ADAM10: variants seen among roughly 807,000 people sequenced by gnomAD.
ADAM10 encodes ADAM metallopeptidase domain 10.
ADAM10 carries 17 observed loss-of-function variants against 90.1 expected under a neutral mutation model. That is an observed-to-expected ratio of 0.19 (90% CI 0.13 to 0.28). ADAM10 has a LOEUF of 0.28. Ranked by LOEUF, ADAM10 falls within the 10% of genes least tolerant of loss-of-function variation. ADAM10 has a pLI of 1.00. For synonymous variants in ADAM10, 310 were observed against 298.6 expected (o/e 1.04, Z -0.40); for missense variants, 610 against 914.3 (o/e 0.67, Z 4.29).
At chr15:58,653,519 C>A (rs1340295815) in intron 5 of ADAM10, among the ~76,000 whole-genome samples, 1 of 152,140 alleles carries the variant, frequency 6.6e-6, no homozygotes, top group African/African-American at 2.4e-5. Flanking sequence ...ATCACACTGA[C>A]TGATTTGCAT....
chr15:58,695,060 T>C (rs1313802119), intron 2 of ADAM10, among the ~76,000 whole-genome samples: 1 of 152,260 alleles, frequency 6.6e-6, no homozygotes, highest in Non-Finnish European at 1.5e-5. Flanking sequence ...AGCATACATT[T>C]ACTAGCTTGA....
At chr15:58,605,649 C>T (rs960252551) in intron 14 of ADAM10, among the ~76,000 whole-genome samples, 5 of 152,076 alleles carry the variant, frequency 3.3e-5, no homozygotes, top group African/African-American at 9.7e-5. Context: ...ATTTACTGAG[C>T]GTAAACTGAG....
intron 10 of ADAM10, among the ~76,000 whole-genome samples, chr15:58,625,705 G>A (rs1895917823): frequency 6.6e-6 from 1 of 152,156 alleles, no homozygotes; most frequent in Non-Finnish European, 1.5e-5. Flanking sequence ...ACCTGTACAT[G>A]AATGTTTACA....
At chr15:58,736,778 T>C (rs1344643605) in intron 1 of ADAM10, among the ~76,000 whole-genome samples, 1 of 152,098 alleles carries the variant, frequency 6.6e-6, no homozygotes, top group Non-Finnish European at 1.5e-5. Flanking sequence ...AGCCTCTATG[T>C]AAAACTGCCA....
At chr15:58,706,403 T>C (rs1371069713) in intron 2 of ADAM10, among the ~76,000 whole-genome samples, 1 of 152,196 alleles carries the variant, frequency 6.6e-6, no homozygotes. Flanking sequence ...TTCTGATGTT[T>C]CCAGATACTC....
chr15:58,611,416 A>T, intron 12 of ADAM10: 1 of 340,042 alleles, frequency 2.9e-6, no homozygotes, highest in East Asian at 6.5e-5. Flanking sequence ...TTCTATAAAG[A>T]AAGAAAAATT....
At chr15:58,616,480 C>T (rs1895619733) in intron 11 of ADAM10, among the ~76,000 whole-genome samples, 6 of 152,130 alleles carry the variant, frequency 3.9e-5, no homozygotes, top group Admixed American at 3.9e-4. Flanking sequence ...ACAAGGGGAA[C>T]TTTAGAAACT....
chr15:58,631,358 CAA>C (rs1251101498), intron 9 of ADAM10, among the ~76,000 whole-genome samples: 3 of 152,190 alleles, frequency 2.0e-5, no homozygotes, highest in East Asian at 1.9e-4. Context: ...GCGTGGTAGG[CAA>C]AGAGTGTGAA....
intron 2 of ADAM10, among the ~76,000 whole-genome samples, chr15:58,706,858 A>T (rs1232739079): frequency 6.6e-5 from 10 of 151,876 alleles, no homozygotes; most frequent in African/African-American, 9.7e-5. Context: ...AAAATACATA[A>T]ATTAGCCAGG....
At chr15:58,673,502 G>A (rs1327902249) in intron 4 of ADAM10, among the ~76,000 whole-genome samples, 1 of 150,200 alleles carries the variant, frequency 6.7e-6, no homozygotes, top group Non-Finnish European at 1.5e-5. Context: ...TTTCATTATA[G>A]CTAAAATATT....
intron 2 of ADAM10, among the ~76,000 whole-genome samples, chr15:58,689,064 G>C (rs1166231468): frequency 6.6e-6 from 1 of 151,822 alleles, no homozygotes; most frequent in Non-Finnish European, 1.5e-5. Flanking sequence ...CACCAAGAAA[G>C]ATACACACAA....
intron 2 of ADAM10, among the ~76,000 whole-genome samples, chr15:58,696,828 C>T (rs182479934): frequency 1.3e-5 from 2 of 152,216 alleles, no homozygotes; most frequent in East Asian, 1.9e-4. Flanking sequence ...GGGGACCACA[C>T]GATGATACTG....
chr15:58,626,350 C>T (rs1895944467), intron 10 of ADAM10, among the ~76,000 whole-genome samples: 1 of 152,052 alleles, frequency 6.6e-6, no homozygotes, highest in Non-Finnish European at 1.5e-5. Context: ...AAAACAAAAT[C>T]CCATGCTTAT....
chr15:58,616,590 A>G (rs1226352123), intron 11 of ADAM10, among the ~76,000 whole-genome samples: 1 of 152,242 alleles, frequency 6.6e-6, no homozygotes, highest in Non-Finnish European at 1.5e-5. Flanking sequence ...ACAACTGAAA[A>G]TAGAAAAACA....
At chr15:58,658,486 T>C (rs1299441909) in intron 5 of ADAM10, among the ~76,000 whole-genome samples, 1 of 152,242 alleles carries the variant, frequency 6.6e-6, no homozygotes, top group Non-Finnish European at 1.5e-5. Context: ...TCTAGATCTT[T>C]TACCTTTCAG....
intron 8 of ADAM10, among the ~76,000 whole-genome samples, chr15:58,636,045 G>A (rs1357121192): frequency 7.9e-5 from 12 of 152,220 alleles, no homozygotes; most frequent in South Asian, 4.2e-4. Flanking sequence ...GGGTGGCGGC[G>A]GCAGGCGGAT....
Position 58,590,676 on chromosome 15 carries a change from T to C in ADAM10, c.*6871A>G, listed in dbSNP as rs528734736. ...AAGAATATATTGACACCTTAATTTA[T>C]AAAAACCGGCCTGTTGTATTTAGAA... On this transcript the variant is annotated 3_prime_UTR_variant, in exon 16 of 16. Coordinates refer to ENST00000260408, the MANE Select transcript of ADAM10 (RefSeq NM_001110.4). 2.0e-5 allele frequency: 3 copies of C among 152,302 alleles called. No individual in the cohort carries two copies. The highest frequency in any genetic ancestry group is 2.1e-4 in the South Asian group (1 of 4,826). The allele number at this position is 152,302 out of a possible 1,614,324, so 9.4% of individuals were successfully genotyped here.
chr15:58,676,250 A>G (rs1331250327), intron 4 of ADAM10: 3 of 455,290 alleles, frequency 6.6e-6, no homozygotes, highest in Admixed American at 2.4e-5. Context: ...GGAGGTCCAC[A>G]ATCAAGTGAC....
intron 2 of ADAM10, among the ~76,000 whole-genome samples, chr15:58,695,378 CT>C (rs1897947561): frequency 6.6e-6 from 1 of 152,178 alleles, no homozygotes; most frequent in Admixed American, 6.5e-5. Context: ...CATAAAATTA[CT>C]TTTGCAAACT....
Sources: gnomAD v4.1 joint callset for allele counts (sites outside exome capture counted in the v4.1 genomes callset) on GRCh38, gnomAD v4.1.1 for gene constraint, MANE v1.5 for transcripts, NCBI Gene and HGNC (gene_info 2026-07-23, HGNC 2026-07-21) for gene names.